Variants in C1orf159 observed in about 807,000 individuals in gnomAD.
C1orf159 encodes uncharacterized protein C1orf159.
Under a neutral mutation model 25.6 loss-of-function variants are expected in C1orf159, and 19 were observed. That is an observed-to-expected ratio of 0.74 (90% CI 0.52 to 1.09). The LOEUF is 1.09. C1orf159 is among the 50% of genes least tolerant of loss of function. The probability of loss-of-function intolerance (pLI) is 0.00; values close to 1 mark genes in which losing one functional copy is unlikely to be tolerated. For synonymous variants in C1orf159, 139 were observed against 124.7 expected, an observed-to-expected ratio of 1.12 and a Z score of -0.77; for missense variants, 274 against 290.6, an observed-to-expected ratio of 0.94 and a Z score of 0.42.
In C1orf159 at chr1:1,092,095, GGCC is replaced by G; in HGVS notation, c.-130_-128del. 2.3e-6 allele frequency: 1 copy of G among 429,052 alleles called. No individual in the cohort carries two copies. The highest frequency in any genetic ancestry group is 4.7e-6 in the Non-Finnish European group (1 of 214,268). 26.6% of individuals were successfully genotyped at this position (429,052 alleles called of 1,614,324 possible). A position where few individuals can be genotyped will look rare whatever the true frequency, so the allele number is the denominator to read the frequency against. ...GGCTCAGCTGAGCCCTGCAGACCCCGGCCCAGTCCTGCAGATGAAGACAGCAGG... is the reference window on the plus strand; with the variant it reads ...GGCTCAGCTGAGCCCTGCAGACCCCGCAGTCCTGCAGATGAAGACAGCAGG... On this transcript the variant is annotated 5_prime_UTR_variant, in exon 2 of 10. Transcript: ENST00000421241.
At chr1:1,083,826 T>A in intron 9 of C1orf159, 1 of 1,243,770 alleles carries the variant, frequency 8.0e-7, no homozygotes, top group Middle Eastern at 2.1e-4. Flanking sequence ...GGAGGCCGGG[T>A]GAGCCCTGCT....
At chr1:1,100,484 C>T (rs927187494) in intron 1 of C1orf159, among the ~76,000 whole-genome samples, 2 of 152,124 alleles carry the variant, frequency 1.3e-5, no homozygotes, top group East Asian at 1.9e-4. Flanking sequence ...GCTGACACAC[C>T]GACAGTGACA....
intron 9 of C1orf159, chr1:1,084,098 G>C: frequency 6.3e-7 from 1 of 1,597,350 alleles, no homozygotes; most frequent in Middle Eastern, 1.7e-4. Flanking sequence ...TCGGGAACAG[G>C]AAAGAGCATG....
chr1:1,104,847 C>T (rs1646149730), intron 1 of C1orf159, among the ~76,000 whole-genome samples: 1 of 152,066 alleles, frequency 6.6e-6, no homozygotes, highest in Non-Finnish European at 1.5e-5. Context: ...CAGCAGGGAA[C>T]TTGGAGAACA....
rs74426642 is a variant in C1orf159, at chr1:1,100,907, G to A, written c.-135-8804C>T. 1.3e-4 allele frequency among the ~76,000 whole-genome samples: 20 copies of A among 152,190 alleles called. No individual in the cohort carries two copies. The East Asian group carries it at 1.7e-3, about 13-fold the overall frequency. Reference sequence around the variant, plus strand: ...ACGGATCCCCTCTACTACTCTTCACGTTGTGGCTGTCATATCTGCATACAT... The same window carrying A: ...ACGGATCCCCTCTACTACTCTTCACATTGTGGCTGTCATATCTGCATACAT... On this transcript the variant is annotated intron_variant, in intron 1 of 9. Coordinates refer to ENST00000421241, the MANE Select transcript of C1orf159 (RefSeq NM_017891.5).
At chr1:1,083,038 G>T in intron 9 of C1orf159, 51 bp from the exon 10 acceptor site, 2 of 1,457,184 alleles carry the variant, frequency 1.4e-6, no homozygotes, top group South Asian at 1.3e-5. Context: ...GGACAGCAGG[G>T]ACAGTGCAGG....
intron 1 of C1orf159, among the ~76,000 whole-genome samples, chr1:1,111,317 CAGG>C (rs1238091547): frequency 1.3e-5 from 2 of 148,578 alleles, no homozygotes; most frequent in African/African-American, 2.5e-5. Flanking sequence ...CGCTTGAGCC[CAGG>C]AGTTCAAAAC....
chr1:1,103,450 T>C (rs1291612613), intron 1 of C1orf159, among the ~76,000 whole-genome samples: 1 of 152,248 alleles, frequency 6.6e-6, no homozygotes, highest in Non-Finnish European at 1.5e-5. Flanking sequence ...TCTGTGATAT[T>C]CCTCTGAAGA....
rs111733099 is a variant in C1orf159 at position 1,099,612 on chromosome 1, ATTG to A, written c.-135-7512_-135-7510del. On this transcript the variant is annotated intron_variant, in intron 1 of 9. Coordinates refer to ENST00000421241, the MANE Select transcript of C1orf159 (RefSeq NM_017891.5). ...GGTTGTCTATTGATGTTTTTGGTCT[ATTG>A]TTCTAAGAATTGGAGAGAGAGAGGT... Among the ~76,000 whole-genome samples the A allele has an allele frequency of 3.0e-4, 26 of 86,572 alleles. 1 individual carries two copies. The highest frequency in any genetic ancestry group is 1.7e-3 in the African/African-American group (18 of 10,668). The allele number at this position is 86,572 out of a possible 152,430, so 56.8% of individuals were successfully genotyped here.
At position 1,087,521 on chromosome 1, in the gene C1orf159, G is replaced by A. The variant is rs1029236529; in HGVS notation, c.225C>T (p.Asn75=). The A allele has an allele frequency of 8.4e-6, 13 of 1,549,640 alleles. No homozygotes were observed. The highest frequency in any genetic ancestry group is 3.9e-5 in the Admixed American group (2 of 50,954). The change falls in exon 5 of 10, where the codon AAC becomes AAT. Residue 75 remains asparagine (N), a synonymous_variant. Coordinates refer to ENST00000421241, the MANE Select transcript of C1orf159 (RefSeq NM_017891.5). This position sits in a 1 kb window ranked among gnomAD's most constrained non-coding sequence, Gnocchi z 8.3. The stretch of plus-strand genomic sequence containing the variant: ...ACCTACAGCTTCTACACTCGGAGCC[G>A]TTGTAGGCTGGGAGGGTTCCGTTCC... The part of the protein sequence containing the change: ...RCGNGTLPAY[N]GSECRSFAGP...
chr1:1,095,500 C>G (rs1231233192), intron 1 of C1orf159, among the ~76,000 whole-genome samples: 2 of 152,216 alleles, frequency 1.3e-5, no homozygotes, highest in Non-Finnish European at 2.9e-5. Flanking sequence ...TAACGATAAA[C>G]TTTGCACCTT....
At chr1:1,095,489 A>G (rs1557428050) in intron 1 of C1orf159, among the ~76,000 whole-genome samples, 1 of 152,264 alleles carries the variant, frequency 6.6e-6, no homozygotes, top group Admixed American at 6.5e-5. Flanking sequence ...CTGCTACTAT[A>G]TAACGATAAA....
In C1orf159 at chr1:1,084,395, G is replaced by A. The variant is rs758717708; in HGVS notation, c.472-12C>T. ...GGGATCATTGCAGCCTTGAAAAGGA[G>A]AGAAAGGCAGAGTGAGGACTCGGGA... On this transcript the variant is annotated splice_polypyrimidine_tract_variant and intron_variant, in intron 8 of 9. Transcript: ENST00000421241. 1.9e-6 allele frequency: 3 copies of A among 1,579,692 alleles called. No homozygotes were observed. Among genetic ancestry groups the A allele is most frequent in the Non-Finnish European group, 2.6e-6 (3 of 1,162,466 alleles).
chr1:1,082,905 G>A lies in C1orf159; in HGVS notation c.585C>T (p.Ile195=). The part of the protein sequence containing the change: ...DPAAFPGEAR[I]SNV ...CTCGGCCTCCAGGTCAGACATTGCT[G>A]ATACGGGCCTCCCCCGGGAAGGCAG... The change falls in exon 10 of 10, where the codon ATC becomes ATT. Residue 195 remains isoleucine, a synonymous_variant. Coordinates refer to ENST00000421241, the MANE Select transcript of C1orf159 (RefSeq NM_017891.5). 6.3e-7 allele frequency: 1 copy of A among 1,593,804 alleles called. No homozygotes were observed. Among genetic ancestry groups the A allele is most frequent in the South Asian group, 1.1e-5 (1 of 87,814 alleles).
In C1orf159 at chr1:1,106,445, C is replaced by T. The variant is rs1338940759; in HGVS notation, c.-136+9615G>A. 2.0e-5 allele frequency among the ~76,000 whole-genome samples: 3 copies of T among 152,186 alleles called. 1 individual carries two copies. Among genetic ancestry groups the T allele is most frequent in the Middle Eastern group, 6.3e-3 (2 of 316 alleles). Reference sequence around the variant, plus strand: ...TAAAATGGTGTGAAAAACAGTATGTCAGTTTCTCAAAAAACTAAACACACA... The same window carrying T: ...TAAAATGGTGTGAAAAACAGTATGTTAGTTTCTCAAAAAACTAAACACACA... On this transcript the variant is annotated intron_variant, in intron 1 of 9. Coordinates refer to ENST00000421241, the MANE Select transcript of C1orf159 (RefSeq NM_017891.5).
Position 1,110,596 on chromosome 1 carries a change from C to T in C1orf159, c.-136+5464G>A, listed in dbSNP as rs890339413. Among the ~76,000 whole-genome samples, 2 of 151,318 alleles carry T rather than the reference C, an allele frequency of 1.3e-5. No homozygotes were observed. The highest frequency in any genetic ancestry group is 2.5e-5 in the African/African-American group (1 of 40,604). On this transcript the variant is annotated intron_variant, in intron 1 of 9. Transcript: ENST00000421241. The surrounding 1 kb of genome is among the most constrained non-coding windows in gnomAD (Gnocchi z 4.8). ...CTAAAGCCTCCACGACCAAACGGCA[C>T]TCAGCCTCTCGGCTGTGGGGACACA... is the stretch of plus-strand genomic sequence containing the variant.
intron 1 of C1orf159, among the ~76,000 whole-genome samples, chr1:1,094,248 C>A (rs1170740989): frequency 3.3e-5 from 5 of 152,016 alleles, no homozygotes; most frequent in Non-Finnish European, 7.4e-5. Context: ...CAGGTGCATG[C>A]TGCCATGTTG....
chr1:1,083,757 G>A (rs750065544), intron 9 of C1orf159: 19 of 677,940 alleles, frequency 2.8e-5, no homozygotes, highest in East Asian at 5.5e-5. Context: ...GATGGAGAAC[G>A]GTCTGTCCCC....
At chr1:1,103,213 G>A (rs1037916583) in intron 1 of C1orf159, among the ~76,000 whole-genome samples, 3 of 152,118 alleles carry the variant, frequency 2.0e-5, no homozygotes, top group East Asian at 1.9e-4. Flanking sequence ...TGAGATTTCC[G>A]GCACTTTGTT....
Sources: gnomAD v4.1 joint callset for allele counts (sites outside exome capture counted in the v4.1 genomes callset) on GRCh38, gnomAD v4.1.1 for gene constraint, Gnocchi (gnomAD v3.1) non-coding constraint, MANE v1.5 for transcripts, NCBI Gene and HGNC (gene_info 2026-07-23, HGNC 2026-07-21) for gene names.